MOK: variants seen among roughly 807,000 people sequenced by gnomAD.
MOK encodes MOK protein kinase.
A neutral mutation model predicts 54.2 loss-of-function variants in MOK; 59 were observed. The ratio of observed to expected loss-of-function variants is 1.09; its 90% CI spans 0.88 to 1.35. The LOEUF (loss-of-function observed/expected upper bound fraction) is 1.35. Ranked by LOEUF, MOK falls within the 40% of genes most tolerant of loss-of-function variation. The probability of loss-of-function intolerance (pLI) is 0.00; values close to 1 mark genes in which losing one functional copy is unlikely to be tolerated. For synonymous variants in MOK, 210 were observed against 202.7 expected (o/e 1.04, Z -0.31); for missense variants, 517 against 526.2 (o/e 0.98, Z 0.17).
At chr14:102,222,094 G>GC (rs1328165285), downstream of MOK, among the ~76,000 whole-genome samples, 1 of 106,170 alleles carries the variant, frequency 9.4e-6, no homozygotes, top group Non-Finnish European at 2.0e-5. This position sits in a 1 kb window ranked among gnomAD's most constrained non-coding sequence, Gnocchi z 4.4. Flanking sequence ...CCCCGCCCCC[G>GC]CCCCCGACAG....
chr14:102,225,124 G>C, downstream of MOK: 1 of 259,854 alleles, frequency 3.8e-6, no homozygotes, highest in Non-Finnish European at 7.5e-6. Context: ...GAAGTGGTGC[G>C]ATCATAGCTC....
intron 1 of MOK, 38 bp downstream of exon 1, chr14:102,304,924 G>T: frequency 8.5e-7 from 1 of 1,176,352 alleles, no homozygotes; most frequent in Non-Finnish European, 1.2e-6. Context: ...CCCGCCACTC[G>T]CTCTCCAGTC....
At chr14:102,229,924 G>A in intron 10 of MOK, 1 of 444,712 alleles carries the variant, frequency 2.2e-6, no homozygotes, top group Non-Finnish European at 4.0e-6. Flanking sequence ...CTCGCGGGCT[G>A]TGGTGCCCAC....
intron 7 of MOK, among the ~76,000 whole-genome samples, chr14:102,234,741 G>A (rs1467322879): frequency 6.6e-6 from 1 of 152,070 alleles, no homozygotes; most frequent in Non-Finnish European, 1.5e-5. Context: ...AACACCACAT[G>A]GCCTCAATAC....
At chr14:102,276,195 A>G (rs2068846314) in intron 2 of MOK, among the ~76,000 whole-genome samples, 1 of 152,166 alleles carries the variant, frequency 6.6e-6, no homozygotes, top group South Asian at 2.1e-4. Flanking sequence ...GTAATATAAA[A>G]AGCTACAGGC....
At chr14:102,242,832 C>A (rs2065822164) in intron 7 of MOK, among the ~76,000 whole-genome samples, 1 of 152,064 alleles carries the variant, frequency 6.6e-6, no homozygotes, top group Non-Finnish European at 1.5e-5. Flanking sequence ...TACCTCCCTC[C>A]ACAACCCCTC....
intron 1 of MOK, among the ~76,000 whole-genome samples, chr14:102,304,706 G>A (rs1196803860): frequency 1.3e-5 from 2 of 152,212 alleles, no homozygotes; most frequent in African/African-American, 4.8e-5. Context: ...GCCTGAGCGG[G>A]AACTCGAGTC....
chr14:102,216,717 C>G, the MOK span, among the ~76,000 whole-genome samples: 1 of 152,066 alleles, frequency 6.6e-6, no homozygotes, highest in Non-Finnish European at 1.5e-5. Context: ...ATCACCTGAG[C>G]CCAGGAGTTT....
chr14:102,294,888 G>A (rs375569968), intron 1 of MOK, among the ~76,000 whole-genome samples: 7 of 152,256 alleles, frequency 4.6e-5, no homozygotes, highest in East Asian at 3.9e-4. Context: ...GGAACTTGCC[G>A]CACTGGAGGT....
chr14:102,234,057 A>G (rs2064993445), intron 7 of MOK: 1 of 331,796 alleles, frequency 3.0e-6, no homozygotes, highest in Non-Finnish European at 5.5e-6. Flanking sequence ...AAACCCCTCA[A>G]TCTGTAAGCT....
rs548846378 is a variant in MOK at position 102,274,343 on chromosome 14, C to T, written c.123-8431G>A. On this transcript the variant is annotated intron_variant, in intron 2 of 11. Transcript: ENST00000361847. Reference sequence around the variant, plus strand: ...GATCTTGGCTCACTGAAGCCTCCACCTCCCAGGCTCAAGCAATCCTCCCAC... The same window carrying T: ...GATCTTGGCTCACTGAAGCCTCCACTTCCCAGGCTCAAGCAATCCTCCCAC... Among the ~76,000 whole-genome samples the T allele has an allele frequency of 4.6e-5, 7 of 150,992 alleles. No homozygotes were observed. The South Asian group carries it at 1.5e-3, about 32-fold the overall frequency.
chr14:102,227,049 C>T (rs573465873), downstream of MOK, among the ~76,000 whole-genome samples: 9 of 152,304 alleles, frequency 5.9e-5, no homozygotes, highest in East Asian at 1.7e-3. Context: ...GCCCCCAGCC[C>T]CGCTGCCCCC....
At chr14:102,298,168 T>C (rs1179588399) in intron 1 of MOK, among the ~76,000 whole-genome samples, 1 of 152,232 alleles carries the variant, frequency 6.6e-6, no homozygotes, top group Non-Finnish European at 1.5e-5. Context: ...TAGTGGGGAC[T>C]TAGAGAACCT....
At chr14:102,292,807 T>C (rs2070913006) in intron 1 of MOK, among the ~76,000 whole-genome samples, 1 of 152,054 alleles carries the variant, frequency 6.6e-6, no homozygotes, top group African/African-American at 2.4e-5. Context: ...ATTAAAACCA[T>C]TCAATTTGTA....
At chr14:102,256,970 T>TCAGAGACATTCATC (rs1326723002) in intron 4 of MOK, among the ~76,000 whole-genome samples, 1 of 151,930 alleles carries the variant, frequency 6.6e-6, no homozygotes, top group Non-Finnish European at 1.5e-5. Flanking sequence ...GCCAAAGAAT[T>TCAGAGACATTCATC]CAGAGACATT....
At chr14:102,298,958 A>G (rs2071807442) in intron 1 of MOK, among the ~76,000 whole-genome samples, 1 of 152,114 alleles carries the variant, frequency 6.6e-6, no homozygotes, top group Non-Finnish European at 1.5e-5. Context: ...TCCTGAAGCC[A>G]GTGAGACCAC....
In MOK at chr14:102,236,361, C is replaced by A. The variant is rs1409002465; in HGVS notation, c.591-2572G>T. 6.6e-6 allele frequency among the ~76,000 whole-genome samples: 1 copy of A among 152,138 alleles called. No individual in the cohort carries two copies. The highest frequency in any genetic ancestry group is 2.4e-5 in the African/African-American group (1 of 41,406). ...TCAGCTTTGCCTGAATTTTCAGGAC[C>A]CACTCATCCCTCTCAGGTCTCAGTT... On this transcript the variant is annotated intron_variant, in intron 7 of 11. Transcript: ENST00000361847. The surrounding 1 kb of genome is among the most constrained non-coding windows in gnomAD (Gnocchi z 4.5).
chr14:102,261,381 G>A lies in MOK; in HGVS notation c.283+2165C>T, dbSNP rs1376639480. On this transcript the variant is annotated intron_variant, in intron 4 of 11. Transcript: ENST00000361847. ...TTGCAGTGAGCTGAGATCGCGCCAC[G>A]TCTCAAAAAAAAAAAAAAAAAAAAA... Among the ~76,000 whole-genome samples the A allele has an allele frequency of 1.5e-4, 6 of 39,066 alleles. 1 individual carries two copies. Among genetic ancestry groups the A allele is most frequent in the African/African-American group, 5.9e-4 (6 of 10,190 alleles). 25.6% of individuals were successfully genotyped at this position (39,066 alleles called of 152,430 possible).
intron 2 of MOK, among the ~76,000 whole-genome samples, chr14:102,268,094 A>G (rs2068056936): frequency 6.6e-6 from 1 of 152,222 alleles, no homozygotes; most frequent in East Asian, 1.9e-4. Context: ...CTTAGTTTTT[A>G]GAACCGGGCA....
Sources: allele counts gnomAD v4.1 joint callset (sites outside exome capture counted in the v4.1 genomes callset), GRCh38; gene constraint gnomAD v4.1.1; non-coding constraint Gnocchi (gnomAD v3.1); transcripts MANE v1.5; gene names NCBI Gene and HGNC (gene_info 2026-07-23, HGNC 2026-07-21).